The following EXOC7 variants were observed in gnomAD, a reference collection of about 807,000 sequenced individuals.
EXOC7 encodes the protein exocyst complex component Exo70.
Under a neutral mutation model 87.6 loss-of-function variants are expected in EXOC7, and 51 were observed. The observed-to-expected ratio is 0.58, with a 90% CI of 0.46 to 0.73. The LOEUF is 0.73. Ranked by LOEUF, EXOC7 falls within the 30% of genes least tolerant of loss-of-function variation. The pLI, the probability that EXOC7 is intolerant of heterozygous loss-of-function variation, is 0.00. For synonymous variants in EXOC7, 327 were observed against 357.1 expected (o/e 0.92, Z 0.95); for missense variants, 744 against 888.4 (o/e 0.84, Z 2.07).
At chr17:76,088,961 C>T (rs772759219) in intron 8 of EXOC7, 38 bp from the exon 9 acceptor site, 52 of 1,595,304 alleles carry the variant, frequency 3.3e-5, no homozygotes, top group South Asian at 2.1e-4. Flanking sequence ...AAGGGTGGGG[C>T]GGTGGGAGCT....
At chr17:76,090,625 G>A in intron 7 of EXOC7, 1 of 730,206 alleles carries the variant, frequency 1.4e-6, no homozygotes, top group Non-Finnish European at 2.2e-6. Flanking sequence ...GTCCTTAGCT[G>A]CTCATTTCCC....
chr17:76,086,681 A>T (rs2067227425), intron 12 of EXOC7, among the ~76,000 whole-genome samples: 1 of 152,080 alleles, frequency 6.6e-6, no homozygotes, highest in African/African-American at 2.4e-5. Flanking sequence ...GCTGCGGATA[A>T]GCTCAGAGAC....
chr17:76,088,188 G>C, intron 10 of EXOC7, 66 bp from the exon 11 acceptor site: 1 of 1,508,338 alleles, frequency 6.6e-7, no homozygotes, highest in Non-Finnish European at 9.2e-7. Flanking sequence ...CAGTGCACCT[G>C]CTCATGGTGC....
rs776661652 is a variant in EXOC7, at chr17:76,081,645, G to A, written c.*2003C>T. ...GTGTGCGGGGGGTTGCTGCCCCTCC[G>A]GGCCATTGAGCGCATAGGCTACAAG... On this transcript the variant is annotated 3_prime_UTR_variant, in exon 19 of 19. Transcript: ENST00000589210. The A allele has an allele frequency of 9.2e-5, 149 of 1,614,018 alleles. 1 individual carries two copies. In the Admixed American group the frequency reaches 1.5e-3, roughly 17 times the overall value.
intron 6 of EXOC7, 75 bp downstream of exon 6, chr17:76,094,339 G>A (rs771939217): frequency 7.3e-5 from 108 of 1,489,222 alleles, no homozygotes; most frequent in Non-Finnish European, 9.4e-5. Context: ...CGCTGCGAAC[G>A]CTAGATTGGA....
At chr17:76,083,978 C>T in intron 18 of EXOC7, 28 bp downstream of exon 18, 1 of 1,530,276 alleles carries the variant, frequency 6.5e-7, no homozygotes, top group Non-Finnish European at 8.8e-7. Context: ...GTGGGCAGCA[C>T]AGGCTGGGAG....
chr17:76,094,347 G>T, intron 6 of EXOC7, 67 bp downstream of exon 6: 1 of 1,520,790 alleles, frequency 6.6e-7, no homozygotes, highest in Non-Finnish European at 8.9e-7. Context: ...ACGCTAGATT[G>T]GACTAAAGCA....
In EXOC7 at chr17:76,083,311, C is replaced by T; in HGVS notation, c.*337G>A. On this transcript the variant is annotated 3_prime_UTR_variant, in exon 19 of 19. Coordinates refer to ENST00000589210, the MANE Select transcript of EXOC7 (RefSeq NM_001013839.4). The stretch of plus-strand genomic sequence containing the variant: ...GACCTAGGCTGGAGGGAGGGCCCTT[C>T]TGCCCTGCTGCTCTTGGTACACATG... The T allele has an allele frequency of 3.6e-6, 1 of 276,914 alleles. No homozygotes were observed. The highest frequency in any genetic ancestry group is 4.5e-5 in the South Asian group (1 of 22,104). 17.2% of individuals were successfully genotyped at this position (276,914 alleles called of 1,614,324 possible). A position where few individuals can be genotyped will look rare whatever the true frequency, so the allele number is the denominator to read the frequency against.
chr17:76,088,988 G>A, intron 8 of EXOC7, 65 bp from the exon 9 acceptor site: 1 of 1,558,316 alleles, frequency 6.4e-7, no homozygotes, highest in Non-Finnish European at 8.7e-7. Flanking sequence ...GGGCTAGTGG[G>A]GGATCCTTGC....
chr17:76,101,633 G>A (rs879568061), intron 3 of EXOC7, 46 bp downstream of exon 3: 49 of 1,557,606 alleles, frequency 3.1e-5, no homozygotes, highest in Non-Finnish European at 3.9e-5. Context: ...CCTCCTGTTG[G>A]CCCAGGAGGC....
chr17:76,095,421 A>G (rs1195382070), intron 5 of EXOC7, among the ~76,000 whole-genome samples: 2 of 151,912 alleles, frequency 1.3e-5, no homozygotes, highest in Non-Finnish European at 2.9e-5. Context: ...GGCATGAGCC[A>G]TGGCGCCCAG....
chr17:76,091,023 T>C (rs2067453186), intron 7 of EXOC7, 120 bp downstream of exon 7: 1 of 845,156 alleles, frequency 1.2e-6, no homozygotes, highest in African/African-American at 1.7e-5. Flanking sequence ...GGACCTGCCG[T>C]TCCCACCCTG....
chr17:76,097,958 G>C lies in EXOC7; in HGVS notation c.478C>G (p.Arg160Gly). 6.2e-7 allele frequency: 1 copy of C among 1,614,102 alleles called. No homozygotes were observed. Among genetic ancestry groups the C allele is most frequent in the Non-Finnish European group, 8.5e-7 (1 of 1,180,024 alleles). ...ACGGGCGAGACGACCTTACTGTGCC[G>C]CGTCATCAGGCTGCGAAATTCGGAC... ...LESEFRSLMT[R>G]HSKVVSPVLI... is the part of the protein sequence containing the mutation. The change falls in exon 5 of 19, where the codon CGG becomes GGG. Residue 160 changes from arginine (R) to glycine (G), a missense_variant. Physicochemically the swap from Arg to Gly is moderately radical, Grantham distance 125 (BLOSUM62 -2). Around this residue, in one of 3 missense-constraint regions of EXOC7, gnomAD observed 512 missense variants for 573.0 expected, o/e 0.89. Coordinates refer to ENST00000589210, the MANE Select transcript of EXOC7 (RefSeq NM_001013839.4).
At chr17:76,099,638 C>T (rs1042937683) in intron 4 of EXOC7, among the ~76,000 whole-genome samples, 7 of 152,106 alleles carry the variant, frequency 4.6e-5, no homozygotes, top group East Asian at 1.9e-4. Context: ...GAAAGCATCA[C>T]GCTAAGTGAA....
chr17:76,081,459 G>A lies in EXOC7; in HGVS notation c.*2189C>T, dbSNP rs542726890. 3 of 1,611,622 alleles carry A rather than the reference G, an allele frequency of 1.9e-6. No homozygotes were observed. In the East Asian group the frequency reaches 6.7e-5, roughly 36 times the overall value. On this transcript the variant is annotated 3_prime_UTR_variant, in exon 19 of 19. Transcript: ENST00000589210. ...GCTGCTGGAGGCGGGTGGGAGTGAG[G>A]ATGCACGGCCAGAGGCCAGGCCCCA...
intron 5 of EXOC7, among the ~76,000 whole-genome samples, chr17:76,096,815 C>T (rs1423835706): frequency 6.6e-6 from 1 of 152,232 alleles, no homozygotes; most frequent in East Asian, 1.9e-4. Context: ...CTTGGCCCCC[C>T]AAAGTGCTGG....
chr17:76,081,346 T>C lies in EXOC7; in HGVS notation c.*2302A>G. 2.5e-6 allele frequency: 4 copies of C among 1,614,178 alleles called. No individual in the cohort carries two copies. Among genetic ancestry groups the C allele is most frequent in the Non-Finnish European group, 3.4e-6 (4 of 1,180,032 alleles). On this transcript the variant is annotated 3_prime_UTR_variant, in exon 19 of 19. Coordinates refer to ENST00000589210, the MANE Select transcript of EXOC7 (RefSeq NM_001013839.4). ...GAGTGTCAAGAGGGAATACGTAGTTTATGATCTGAAGACCCAAGTCCCACC... is the reference window on the plus strand; with the variant it reads ...GAGTGTCAAGAGGGAATACGTAGTTCATGATCTGAAGACCCAAGTCCCACC...
In EXOC7 at chr17:76,082,167, G is replaced by A; in HGVS notation, c.*1481C>T. 1.5e-5 allele frequency: 19 copies of A among 1,258,288 alleles called. No individual in the cohort carries two copies. Among genetic ancestry groups the A allele is most frequent in the Non-Finnish European group, 2.1e-5 (19 of 917,726 alleles). The allele number at this position is 1,258,288 out of a possible 1,614,324, so 77.9% of individuals were successfully genotyped here. On this transcript the variant is annotated 3_prime_UTR_variant, in exon 19 of 19. Coordinates refer to ENST00000589210, the MANE Select transcript of EXOC7 (RefSeq NM_001013839.4). ...TTGCATCCACCCTGCTGGCTCTCCT[G>A]TCCCTGGTCTCCACCATGTCCTCCT... is the stretch of plus-strand genomic sequence containing the variant.
At chr17:76,089,387 TG>T in intron 7 of EXOC7, 67 bp from the exon 8 acceptor site, 1 of 1,587,366 alleles carries the variant, frequency 6.3e-7, no homozygotes. Flanking sequence ...GGGGGCGGCG[TG>T]GGTCCCCCAG....
Sources: gnomAD v4.1 joint callset for allele counts (sites outside exome capture counted in the v4.1 genomes callset) on GRCh38, gnomAD v4.1.1 for gene constraint, gnomAD v4.1.1 regional missense constraint, MANE v1.5 for transcripts, NCBI Gene and HGNC (gene_info 2026-07-23, HGNC 2026-07-21) for gene names.